EFCAB11: variants seen among roughly 807,000 people sequenced by gnomAD.
The protein encoded by EFCAB11 is EF-hand calcium binding domain 11.
A neutral mutation model predicts 23.0 loss-of-function variants in EFCAB11; 14 were observed. That is an observed-to-expected ratio of 0.61 (90% CI 0.40 to 0.95). EFCAB11 has a LOEUF of 0.95. Among genes scored for constraint, EFCAB11 ranks in the 40% least tolerant of loss-of-function variants. EFCAB11 has a pLI of 0.00. For missense variants in EFCAB11, 198 were observed against 195.8 expected (o/e 1.01, Z -0.07); for synonymous variants, 65 against 66.6 (o/e 0.98, Z 0.11).
chr14:89,865,793 T>C (rs1002235513), intron 5 of EFCAB11, among the ~76,000 whole-genome samples: 1 of 151,630 alleles, frequency 6.6e-6, no homozygotes, highest in Non-Finnish European at 1.5e-5. Flanking sequence ...GACTCCCAAG[T>C]TGGTGGGATT....
chr14:89,945,364 G>C (rs1229516679), intron 3 of EFCAB11, among the ~76,000 whole-genome samples: 1 of 152,116 alleles, frequency 6.6e-6, no homozygotes, highest in Non-Finnish European at 1.5e-5. Flanking sequence ...TAGAAAGTTA[G>C]TGCTACCACT....
intron 5 of EFCAB11, among the ~76,000 whole-genome samples, chr14:89,827,536 T>C (rs894479186): frequency 6.6e-6 from 1 of 151,668 alleles, no homozygotes; most frequent in Non-Finnish European, 1.5e-5. Context: ...ATGCAGAGTA[T>C]AGAAGGGTGA....
intron 5 of EFCAB11, among the ~76,000 whole-genome samples, chr14:89,871,404 G>A (rs144482635): frequency 9.2e-5 from 14 of 152,280 alleles, no homozygotes; most frequent in African/African-American, 3.1e-4. Context: ...ATGAATCTCT[G>A]TACAGTTGTT....
At chr14:89,895,558 G>C (rs950365904) in intron 5 of EFCAB11, among the ~76,000 whole-genome samples, 2 of 152,036 alleles carry the variant, frequency 1.3e-5, no homozygotes, top group African/African-American at 4.8e-5. Flanking sequence ...GAGAAAAGAG[G>C]GCACATTCAA....
chr14:89,914,228 C>G (rs1189215033), intron 5 of EFCAB11, among the ~76,000 whole-genome samples: 3 of 152,186 alleles, frequency 2.0e-5, no homozygotes, highest in Admixed American at 6.5e-5. Context: ...GAAACATCTT[C>G]TCATTAACGC....
intron 5 of EFCAB11, among the ~76,000 whole-genome samples, chr14:89,887,144 C>A (rs1888815108): frequency 6.6e-6 from 1 of 152,158 alleles, no homozygotes; most frequent in African/African-American, 2.4e-5. Flanking sequence ...GCTTTATAGT[C>A]AAGCCTGACA....
chr14:89,952,615 T>G, intron 2 of EFCAB11: 1 of 985,402 alleles, frequency 1.0e-6, no homozygotes, highest in Non-Finnish European at 1.2e-6. Context: ...TGCAACCTAC[T>G]TGGGTCAAGA....
In EFCAB11 at chr14:89,808,831, G is replaced by T. The variant is rs865869258; in HGVS notation, c.411-11507C>A. On this transcript the variant is annotated intron_variant, in intron 5 of 5. Coordinates refer to ENST00000316738, the MANE Select transcript of EFCAB11 (RefSeq NM_145231.4). ...AGAATTTCAGTCTAAAGAGATAAAG[G>T]TTCAGAGGGCCATATACAAGCATTT... Among the ~76,000 whole-genome samples the T allele has an allele frequency of 1.6e-4, 25 of 152,242 alleles. 1 individual carries two copies. The South Asian group carries it at 2.1e-3, about 13-fold the overall frequency.
chr14:89,948,993 C>A (rs947288173), intron 3 of EFCAB11, among the ~76,000 whole-genome samples: 1 of 151,970 alleles, frequency 6.6e-6, no homozygotes, highest in Non-Finnish European at 1.5e-5. Context: ...TAATTGGATT[C>A]TTGGTAACAT....
intron 5 of EFCAB11, among the ~76,000 whole-genome samples, chr14:89,925,731 C>T (rs375513913): frequency 8.6e-5 from 13 of 151,666 alleles, no homozygotes; most frequent in Middle Eastern, 3.4e-3. Context: ...CTGCAACCTC[C>T]GCCTCCCGGG....
chr14:89,877,484 G>C (rs945866124), intron 5 of EFCAB11, among the ~76,000 whole-genome samples: 2 of 152,190 alleles, frequency 1.3e-5, no homozygotes, highest in African/African-American at 4.8e-5. Flanking sequence ...TCAGAACGAG[G>C]TGGCGAAGGT....
intron 5 of EFCAB11, among the ~76,000 whole-genome samples, chr14:89,807,272 T>C (rs1450298493): frequency 6.6e-6 from 1 of 152,206 alleles, no homozygotes; most frequent in Non-Finnish European, 1.5e-5. Flanking sequence ...CTTTTTACAG[T>C]ACAAGTCCTT....
chr14:89,816,669 T>A (rs564617802), intron 5 of EFCAB11, among the ~76,000 whole-genome samples: 1 of 152,198 alleles, frequency 6.6e-6, no homozygotes, highest in Non-Finnish European at 1.5e-5. Flanking sequence ...AGAGATACTC[T>A]TTATTTTACA....
At chr14:89,835,643 T>TGTGTGTGTGTGTGTGTGTGTGTG (rs1491344939) in intron 5 of EFCAB11, among the ~76,000 whole-genome samples, 16 of 138,814 alleles carry the variant, frequency 1.2e-4, no homozygotes, top group African/African-American at 3.2e-4. Context: ...TGTGTGTGTG[T>TGTGTGTGTGTGTGTGTGTGTGTG]TTGAGACGTT....
intron 3 of EFCAB11, among the ~76,000 whole-genome samples, chr14:89,948,492 CA>C (rs35032316): frequency 1.3e-5 from 2 of 152,104 alleles, no homozygotes; most frequent in African/African-American, 2.4e-5. Flanking sequence ...GGTATATACC[CA>C]AAAGAAAGGA....
At chr14:89,853,399 C>T (rs144134698) in intron 5 of EFCAB11, among the ~76,000 whole-genome samples, 7 of 152,292 alleles carry the variant, frequency 4.6e-5, no homozygotes, top group African/African-American at 1.7e-4. Flanking sequence ...CTACTATGTG[C>T]CAGGCATTGT....
intron 5 of EFCAB11, among the ~76,000 whole-genome samples, chr14:89,919,299 G>C (rs1889950034): frequency 6.6e-6 from 1 of 152,200 alleles, no homozygotes; most frequent in Admixed American, 6.5e-5. Context: ...TGGTAAGTAA[G>C]CTTCAGATCT....
At chr14:89,942,101 T>C (rs1890815780) in intron 3 of EFCAB11, among the ~76,000 whole-genome samples, 1 of 152,172 alleles carries the variant, frequency 6.6e-6, no homozygotes, top group Admixed American at 6.5e-5. Flanking sequence ...CTTTGCCTTC[T>C]GCCATGATTC....
intron 3 of EFCAB11, among the ~76,000 whole-genome samples, chr14:89,940,660 G>A (rs1890759304): frequency 6.6e-6 from 1 of 152,162 alleles, no homozygotes; most frequent in African/African-American, 2.4e-5. Flanking sequence ...TATCAAAGTA[G>A]AATATGTTCA....
Sources: gnomAD v4.1 joint callset for allele counts (sites outside exome capture counted in the v4.1 genomes callset) on GRCh38, gnomAD v4.1.1 for gene constraint, MANE v1.5 for transcripts, NCBI Gene and HGNC (gene_info 2026-07-23, HGNC 2026-07-21) for gene names.